Variants in KAT14 observed in about 807,000 individuals in gnomAD.
The protein encoded by KAT14 is lysine acetyltransferase 14.
In KAT14, 66 loss-of-function variants were observed where a neutral mutation model predicts 78.4. The observed-to-expected ratio is 0.84, with a 90% CI of 0.69 to 1.03. KAT14 has a LOEUF of 1.03. KAT14 is among the 50% of genes least tolerant of loss of function. KAT14 has a pLI of 0.00. For missense variants in KAT14, 870 were observed against 972.5 expected (o/e 0.89, Z 1.40); for synonymous variants, 344 against 359.4 (o/e 0.96, Z 0.48).
At chr20:18,177,268 A>G (rs759028151) in intron 7 of KAT14, among the ~76,000 whole-genome samples, 8 of 152,158 alleles carry the variant, frequency 5.3e-5, no homozygotes, top group Non-Finnish European at 1.2e-4. Context: ...CTTCCTCCAG[A>G]GTCCATCTCC....
intron 3 of KAT14, among the ~76,000 whole-genome samples, chr20:18,146,013 A>G (rs1280501342): frequency 6.6e-6 from 1 of 152,224 alleles, no homozygotes; most frequent in Non-Finnish European, 1.5e-5. Flanking sequence ...AAACCAACAT[A>G]ACCCAGCTTT....
At chr20:18,142,115 T>C (rs1437429803) in intron 1 of KAT14, 93 bp from the exon 2 acceptor site, 1 of 1,288,338 alleles carries the variant, frequency 7.8e-7, no homozygotes, top group Non-Finnish European at 1.0e-6. Context: ...GTTTTAAGTA[T>C]ATTTTGGTAA....
At chr20:18,142,946 T>G in intron 2 of KAT14, 27 bp downstream of exon 2, 1 of 1,607,812 alleles carries the variant, frequency 6.2e-7, no homozygotes, top group Non-Finnish European at 8.5e-7. Flanking sequence ...TTCCTTTGAT[T>G]TGTCAATTCC....
chr20:18,175,187 T>C (rs1319674501), intron 7 of KAT14, among the ~76,000 whole-genome samples: 4 of 152,102 alleles, frequency 2.6e-5, no homozygotes, highest in African/African-American at 4.8e-5. Flanking sequence ...CACCCTCTTC[T>C]CTCAGGGAAC....
chr20:18,182,263 A>T (rs1243693712), intron 8 of KAT14, among the ~76,000 whole-genome samples: 2 of 151,890 alleles, frequency 1.3e-5, no homozygotes, highest in Non-Finnish European at 1.5e-5. Context: ...CTGGGATTAT[A>T]GGCATGCACC....
intron 1 of KAT14, among the ~76,000 whole-genome samples, chr20:18,141,581 TA>T (rs1483232405): frequency 2.6e-4 from 40 of 152,344 alleles, no homozygotes; most frequent in Admixed American, 5.9e-4. Flanking sequence ...ACATATCAAT[TA>T]AACTTTAAAA....
intron 7 of KAT14, among the ~76,000 whole-genome samples, chr20:18,173,938 T>C (rs2038943605): frequency 6.6e-6 from 1 of 152,206 alleles, no homozygotes; most frequent in African/African-American, 2.4e-5. Flanking sequence ...TTAGAACATT[T>C]TGTTAACCCA....
chr20:18,162,395 G>T lies in KAT14; in HGVS notation c.1118G>T (p.Gly373Val), dbSNP rs1450025325. ...ALFHDDDEME[G>V]DGVIDPGMEY... Reference sequence around the variant, plus strand: ...TGCACAGATGACGATGAGATGGAAGGCGATGGAGTCATAGACCCAGGGATG... The same window carrying T: ...TGCACAGATGACGATGAGATGGAAGTCGATGGAGTCATAGACCCAGGGATG... The change falls in exon 7 of 11, where the codon GGC (glycine) becomes GTC (valine). Residue 373 changes from glycine (G) to valine (V), a missense_variant. Physicochemically the swap from Gly to Val is moderately radical, Grantham distance 109. Coordinates refer to ENST00000688188, the MANE Select transcript of KAT14 (RefSeq NM_001392073.1). 3 of 1,612,774 alleles carry T rather than the reference G, an allele frequency of 1.9e-6. No individual in the cohort carries two copies. The highest frequency in any genetic ancestry group is 1.7e-5 in the Admixed American group (1 of 59,834).
At chr20:18,181,876 G>C in intron 8 of KAT14, 30 bp downstream of exon 8, 1 of 1,612,112 alleles carries the variant, frequency 6.2e-7, no homozygotes. Context: ...TGTGATGTCA[G>C]GTGTGTCATG....
chr20:18,137,759 A>C (rs2037345965), upstream of KAT14: 3 of 492,012 alleles, frequency 6.1e-6, no homozygotes, highest in South Asian at 1.2e-4. Flanking sequence ...TGAAGCCAAG[A>C]GTTCGTAGAG....
intron 7 of KAT14, 65 bp from the exon 8 acceptor site, chr20:18,181,645 C>T (rs961567616): frequency 3.1e-5 from 50 of 1,599,960 alleles, no homozygotes; most frequent in East Asian, 1.3e-4. Flanking sequence ...TTGGGATTAC[C>T]GGCATGAGCC....
intron 1 of KAT14, among the ~76,000 whole-genome samples, chr20:18,141,051 T>TTGTTTTTTTTG (rs58888387): frequency 9.1e-6 from 1 of 109,704 alleles, no homozygotes; most frequent in African/African-American, 3.6e-5. Flanking sequence ...TTTTTTATTT[T>TTGTTTTTTTTG]TATTTTTGCT....
Position 18,168,357 on chromosome 20 carries a change from G to A in KAT14, c.1668+5412G>A, listed in dbSNP as rs560530117. ...AGCCTGGACAATATGGTGAAACCCC[G>A]TCTCTACTAAAAATAAAAAAATTAG... On this transcript the variant is annotated intron_variant, in intron 7 of 10. Transcript: ENST00000688188. Among the ~76,000 whole-genome samples, 289 of 152,028 alleles carry A rather than the reference G, an allele frequency of 1.9e-3. 2 individuals carry two copies. The highest frequency in any genetic ancestry group is 6.6e-3 in the African/African-American group (272 of 41,488).
chr20:18,161,730 C>T, intron 5 of KAT14, 93 bp from the exon 6 acceptor site: 1 of 1,490,020 alleles, frequency 6.7e-7, no homozygotes, highest in East Asian at 2.3e-5. Flanking sequence ...TGCAAATATT[C>T]CAAAAGCCGA....
intron 7 of KAT14, among the ~76,000 whole-genome samples, chr20:18,180,917 CCAAACCATATCAGAGA>C (rs1170275968): frequency 6.6e-6 from 1 of 152,146 alleles, no homozygotes; most frequent in Non-Finnish European, 1.5e-5. Context: ...GAACACAGAG[CCAAACCATATCAGAGA>C]TGTATTTCAA....
rs367976940 is a variant in KAT14, at chr20:18,141,176, C to T, written c.-453-1032C>T. Among the ~76,000 whole-genome samples, 7 of 151,870 alleles carry T rather than the reference C, an allele frequency of 4.6e-5. No individual in the cohort carries two copies. The East Asian group carries it at 5.8e-4, about 13-fold the overall frequency. ...CTGGGATTACAGGAGTGAGCCACCA[C>T]GCCTGGCCTAAAACCTTTAGAGTAT... On this transcript the variant is annotated intron_variant, in intron 1 of 10. Transcript: ENST00000688188.
Position 18,161,915 on chromosome 20 carries a change from G to T in KAT14, c.775G>T (p.Glu259Ter), listed in dbSNP as rs2038440539. ...NPVESAMELK[E>*]KRSRTQEAKD... The stretch of plus-strand genomic sequence containing the variant: ...TGTGGAATCTGCCATGGAATTAAAA[G>T]AGAAAAGGTCTCGAACTCAGGAAGC... The change falls in exon 6 of 11, where the codon GAG becomes TAG. Residue 259 changes from glutamate to a stop codon, truncating the protein, a stop_gained. Coordinates refer to ENST00000688188, the MANE Select transcript of KAT14 (RefSeq NM_001392073.1). LOFTEE classifies it high-confidence loss of function. 2.5e-6 allele frequency: 4 copies of T among 1,614,200 alleles called. No individual in the cohort carries two copies. Among genetic ancestry groups the T allele is most frequent in the Non-Finnish European group, 3.4e-6 (4 of 1,180,030 alleles).
intron 7 of KAT14, among the ~76,000 whole-genome samples, chr20:18,168,628 TTTAA>T (rs755643220): frequency 6.6e-6 from 1 of 152,322 alleles, no homozygotes; most frequent in African/African-American, 2.4e-5. Flanking sequence ...GTTTTTTATC[TTTAA>T]TTAGTGCATG....
At chr20:18,175,751 G>C (rs1305933475) in intron 7 of KAT14, among the ~76,000 whole-genome samples, 4 of 151,986 alleles carry the variant, frequency 2.6e-5, no homozygotes, top group Admixed American at 2.0e-4. Context: ...CCGAAACATG[G>C]CTCAAACCTG....
Sources: gnomAD v4.1 joint callset for allele counts (sites outside exome capture counted in the v4.1 genomes callset) on GRCh38, gnomAD v4.1.1 for gene constraint, MANE v1.5 for transcripts, NCBI Gene and HGNC (gene_info 2026-07-23, HGNC 2026-07-21) for gene names.